FBXW10: variants seen among roughly 807,000 people sequenced by gnomAD.
FBXW10 encodes F-box and WD repeat domain containing 10.
FBXW10 carries 68 observed loss-of-function variants against 113.1 expected under a neutral mutation model. That is an observed-to-expected ratio of 0.60 (90% confidence interval 0.49 to 0.74). FBXW10 has a LOEUF of 0.74. FBXW10 is among the 30% of genes least tolerant of loss of function. The pLI, the probability that FBXW10 is intolerant of heterozygous loss-of-function variation, is 0.00. For missense variants in FBXW10, 753 were observed against 1,284.5 expected (o/e 0.59, Z 6.32); for synonymous variants, 289 against 481.6 (o/e 0.60, Z 5.24).
At chr17:18,764,127 G>C (rs2035439627) in intron 7 of FBXW10, among the ~76,000 whole-genome samples, 1 of 144,788 alleles carries the variant, frequency 6.9e-6, no homozygotes, top group Non-Finnish European at 1.5e-5. Flanking sequence ...TATGGGGGTA[G>C]AAGTTACCCA....
intron 9 of FBXW10, among the ~76,000 whole-genome samples, chr17:18,767,077 G>A (rs1257098010): frequency 6.6e-6 from 1 of 152,154 alleles, no homozygotes; most frequent in Non-Finnish European, 1.5e-5. Flanking sequence ...ACGGTATCAT[G>A]GGGTTGGTAG....
intron 12 of FBXW10, 79 bp downstream of exon 12, chr17:18,772,762 G>A (rs1446444183): frequency 8.0e-7 from 1 of 1,253,384 alleles, no homozygotes; most frequent in Non-Finnish European, 1.1e-6. Flanking sequence ...TGGGAGACGG[G>A]GAGGACTGGT....
At chr17:18,755,545 A>G (rs1319411844) in intron 5 of FBXW10, among the ~76,000 whole-genome samples, 1 of 88,410 alleles carries the variant, frequency 1.1e-5, no homozygotes, top group Non-Finnish European at 2.4e-5. Flanking sequence ...ACAGAGCGAG[A>G]CTCCGTCTGA....
intron 5 of FBXW10, among the ~76,000 whole-genome samples, chr17:18,753,882 A>T (rs2035213477): frequency 6.6e-6 from 1 of 152,102 alleles, no homozygotes; most frequent in African/African-American, 2.4e-5. Context: ...ATCTCAAAAA[A>T]AAAAAAGAAA....
At chr17:18,764,200 C>CTTTTTTTTTTTTTTTTTTTTTTT (rs140032131) in intron 7 of FBXW10, among the ~76,000 whole-genome samples, 1 of 116,606 alleles carries the variant, frequency 8.6e-6, no homozygotes, top group African/African-American at 3.4e-5. Context: ...TGTAAATACT[C>CTTTTTTTTTTTTTTTTTTTTTTT]TTTTTTTTTT....
intron 11 of FBXW10, among the ~76,000 whole-genome samples, chr17:18,772,177 T>C (rs1448838471): frequency 6.6e-6 from 1 of 152,202 alleles, no homozygotes; most frequent in Non-Finnish European, 1.5e-5. Context: ...GGAACATATG[T>C]GCCCCGATCA....
intron 7 of FBXW10, among the ~76,000 whole-genome samples, chr17:18,763,671 G>A (rs553595143): frequency 6.6e-6 from 1 of 152,194 alleles, no homozygotes; most frequent in African/African-American, 2.4e-5. Flanking sequence ...AGAGACCTTG[G>A]GCAAGTGTTC....
chr17:18,744,056 A>C lies in FBXW10; in HGVS notation c.-189A>C. On this transcript the variant is annotated 5_prime_UTR_variant, in exon 1 of 14. Coordinates refer to ENST00000395665, the MANE Select transcript of FBXW10 (RefSeq NM_001267585.2). ...CAAGGAGGTCTGTACAAAAAGCCAG[A>C]CTTCTGCTGGCAGTTACTGAGAGAG... 3.6e-6 allele frequency: 3 copies of C among 839,466 alleles called. No homozygotes were observed. The highest frequency in any genetic ancestry group is 5.4e-6 in the Non-Finnish European group (3 of 555,654). 52.0% of individuals were successfully genotyped at this position (839,466 alleles called of 1,614,324 possible). A position where few individuals can be genotyped will look rare whatever the true frequency, so the allele number is the denominator to read the frequency against.
chr17:18,772,309 C>A, intron 11 of FBXW10, 103 bp from the exon 12 acceptor site: 1 of 1,106,112 alleles, frequency 9.0e-7, no homozygotes, highest in Non-Finnish European at 1.3e-6. Context: ...ATCACCTGGG[C>A]ACTGTTCCTT....
chr17:18,772,304 C>G, intron 11 of FBXW10, 108 bp from the exon 12 acceptor site: 1 of 1,066,158 alleles, frequency 9.4e-7, no homozygotes, highest in Non-Finnish European at 1.4e-6. Context: ...TGGTCATCAC[C>G]TGGGCACTGT....
Position 18,778,884 on chromosome 17 carries a change from C to A in FBXW10, c.2745C>A (p.Arg915=). Residue 915 remains arginine (R), a synonymous_variant, in exon 14 of 14, where the codon CGC becomes CGA. Transcript: ENST00000395665. ...QSTIPQPMII[R]SRFSGSLKGG... ...CCATACCCCAGCCCATGATTATCCG[C>A]TCCAGGTTCTCTGGCAGCTTAAAGG... The A allele has an allele frequency of 6.2e-7, 1 of 1,613,916 alleles. No individual in the cohort carries two copies. The highest frequency in any genetic ancestry group is 1.3e-5 in the African/African-American group (1 of 75,012).
chr17:18,752,245 G>A (rs2035184999), intron 5 of FBXW10, among the ~76,000 whole-genome samples: 1 of 152,128 alleles, frequency 6.6e-6, no homozygotes, highest in Non-Finnish European at 1.5e-5. Flanking sequence ...TGAAGGGCCA[G>A]CTGCTCATCA....
intron 9 of FBXW10, among the ~76,000 whole-genome samples, chr17:18,767,124 C>T (rs2035512672): frequency 6.6e-6 from 1 of 152,068 alleles, no homozygotes; most frequent in African/African-American, 2.4e-5. Context: ...GAGATATGGG[C>T]TCAGGGCCTT....
intron 7 of FBXW10, among the ~76,000 whole-genome samples, chr17:18,760,598 G>A (rs1316676297): frequency 2.0e-5 from 3 of 152,240 alleles, no homozygotes; most frequent in African/African-American, 7.2e-5. Flanking sequence ...GAGGTCGGGA[G>A]TTTGAGACCA....
chr17:18,761,627 C>G (rs899879310), intron 7 of FBXW10, among the ~76,000 whole-genome samples: 4 of 152,160 alleles, frequency 2.6e-5, no homozygotes, highest in African/African-American at 9.7e-5. Flanking sequence ...AGTAAGTTTA[C>G]CAACTTTCAA....
At position 18,759,164 on chromosome 17, in the gene FBXW10, C is replaced by T. The variant is rs190810223; in HGVS notation, c.1433+659C>T. Among the ~76,000 whole-genome samples the T allele has an allele frequency of 5.9e-5, 9 of 152,060 alleles. No individual in the cohort carries two copies. In the East Asian group the frequency reaches 1.7e-3, roughly 29 times the overall value. On this transcript the variant is annotated intron_variant, in intron 7 of 13. Transcript: ENST00000395665. ...CAGACTGGGCGACACAGCGAGACTC[C>T]ATCTCAAAAAAAACCACATATGTAT...
intron 4 of FBXW10, among the ~76,000 whole-genome samples, chr17:18,750,605 TAAACCA>T (rs1348350747): frequency 7.1e-6 from 1 of 141,656 alleles, no homozygotes; most frequent in Non-Finnish European, 1.6e-5. Flanking sequence ...AGTCTCACCC[TAAACCA>T]TGGATTTTGG....
At chr17:18,754,001 G>T (rs1350149578) in intron 5 of FBXW10, among the ~76,000 whole-genome samples, 1 of 152,198 alleles carries the variant, frequency 6.6e-6, no homozygotes, top group East Asian at 1.9e-4. Context: ...GGAGGTGAGT[G>T]CTTCTCAGGG....
chr17:18,756,527 T>A (rs1166560180), intron 6 of FBXW10, among the ~76,000 whole-genome samples: 1 of 152,032 alleles, frequency 6.6e-6, no homozygotes, highest in East Asian at 1.9e-4. Context: ...AAAGTTTTCC[T>A]GTAGTCTATC....
Sources: allele counts gnomAD v4.1 joint callset (sites outside exome capture counted in the v4.1 genomes callset), GRCh38; gene constraint gnomAD v4.1.1; transcripts MANE v1.5; gene names NCBI Gene and HGNC (gene_info 2026-07-23, HGNC 2026-07-21).